The following FAM135B variants were observed in gnomAD, a reference collection of about 807,000 sequenced individuals.
FAM135B encodes family with sequence similarity 135 member B.
Under a neutral mutation model 127.7 loss-of-function variants are expected in FAM135B, and 43 were observed. That is an observed-to-expected ratio of 0.34 (90% confidence interval 0.26 to 0.43). The LOEUF is 0.43. FAM135B is among the 20% of genes least tolerant of loss of function. The pLI is 1.00. For missense variants in FAM135B, 1,558 were observed against 1,725.6 expected (o/e 0.90, Z 1.72); for synonymous variants, 670 against 665.1 (o/e 1.01, Z -0.11).
At chr8:138,219,873 G>A (rs1818886843) in intron 7 of FAM135B, among the ~76,000 whole-genome samples, 1 of 152,136 alleles carries the variant, frequency 6.6e-6, no homozygotes, top group African/African-American at 2.4e-5. Flanking sequence ...CTTGTGATAA[G>A]CAATTCATAT....
chr8:138,301,842 T>C (rs961717788), intron 3 of FAM135B, among the ~76,000 whole-genome samples: 1 of 152,250 alleles, frequency 6.6e-6, no homozygotes, highest in South Asian at 2.1e-4. Flanking sequence ...CATACCATGC[T>C]GAACCCCTGC....
At chr8:138,228,305 T>C (rs984878703) in intron 7 of FAM135B, among the ~76,000 whole-genome samples, 2 of 152,106 alleles carry the variant, frequency 1.3e-5, no homozygotes, top group Non-Finnish European at 2.9e-5. Context: ...TCGGAATCTT[T>C]AGGTGTAGGG....
chr8:138,492,259 T>C (rs766879107), intron 1 of FAM135B, among the ~76,000 whole-genome samples: 25 of 152,092 alleles, frequency 1.6e-4, no homozygotes, highest in Non-Finnish European at 2.9e-4. Context: ...GACCTATCAA[T>C]GGTCAAAGGT....
chr8:138,367,593 C>T (rs1830829821), intron 2 of FAM135B, among the ~76,000 whole-genome samples: 1 of 152,072 alleles, frequency 6.6e-6, no homozygotes, highest in Admixed American at 6.6e-5. Context: ...AGGCAAGCTT[C>T]ATTTTCCATC....
At chr8:138,318,737 C>G (rs1827251756) in intron 2 of FAM135B, among the ~76,000 whole-genome samples, 1 of 152,156 alleles carries the variant, frequency 6.6e-6, no homozygotes, top group African/African-American at 2.4e-5. Flanking sequence ...TTCTTAAAAG[C>G]CCTTGATGCT....
At chr8:138,370,497 G>A (rs142014722) in intron 1 of FAM135B, among the ~76,000 whole-genome samples, 2,094 of 152,124 alleles carry the variant, frequency 0.014, 48 homozygotes, top group African/African-American at 0.047. Context: ...TGTCACCCAG[G>A]CTGGAGTGCA....
chr8:138,225,475 A>G (rs1819351436), intron 7 of FAM135B, among the ~76,000 whole-genome samples: 2 of 116,640 alleles, frequency 1.7e-5, no homozygotes, highest in Admixed American at 8.5e-5. Context: ...ACAAAAAAAC[A>G]AAAAAAACAA....
intron 2 of FAM135B, among the ~76,000 whole-genome samples, chr8:138,324,098 C>T (rs183036923): frequency 1.3e-3 from 202 of 152,322 alleles, no homozygotes; most frequent in African/African-American, 4.5e-3. Flanking sequence ...TGCAAATCCC[C>T]GTGTCCCAGC....
intron 3 of FAM135B, among the ~76,000 whole-genome samples, chr8:138,266,607 G>GTA (rs34338351): frequency 6.8e-6 from 1 of 147,678 alleles, no homozygotes; most frequent in African/African-American, 2.5e-5. Flanking sequence ...ATATGTATAT[G>GTA]TATATATATG....
chr8:138,378,435 A>T (rs574171240), intron 1 of FAM135B, among the ~76,000 whole-genome samples: 1 of 152,362 alleles, frequency 6.6e-6, no homozygotes, highest in African/African-American at 2.4e-5. Context: ...GGAGTCTGGC[A>T]TATGATAAAT....
chr8:138,428,499 C>T (rs1404647168), intron 1 of FAM135B, among the ~76,000 whole-genome samples: 1 of 152,060 alleles, frequency 6.6e-6, no homozygotes, highest in Admixed American at 6.6e-5. Flanking sequence ...CTCATTGTCT[C>T]ATATCTTGTG....
chr8:138,211,607 T>C (rs1818148447), intron 7 of FAM135B, among the ~76,000 whole-genome samples: 1 of 152,208 alleles, frequency 6.6e-6, no homozygotes, highest in Non-Finnish European at 1.5e-5. Flanking sequence ...TGCAACATTC[T>C]AAAATTGAGA....
chr8:138,442,055 C>T (rs927900199), intron 1 of FAM135B, among the ~76,000 whole-genome samples: 1 of 151,276 alleles, frequency 6.6e-6, no homozygotes, highest in Non-Finnish European at 1.5e-5. Context: ...ATGCAGCAGG[C>T]AAACGATGTG....
intron 2 of FAM135B, among the ~76,000 whole-genome samples, chr8:138,335,211 T>A (rs947513475): frequency 1.3e-5 from 2 of 152,108 alleles, no homozygotes; most frequent in African/African-American, 4.8e-5. Context: ...TTCTTGGGAA[T>A]CCCATGCCCA....
intron 1 of FAM135B, chr8:138,441,027 CAT>C (rs1382760431): frequency 6.6e-6 from 1 of 152,250 alleles, no homozygotes; most frequent in Non-Finnish European, 1.5e-5. Flanking sequence ...GACCCCCACA[CAT>C]GTGAGTGAAG....
intron 7 of FAM135B, among the ~76,000 whole-genome samples, chr8:138,202,430 T>G (rs2131175049): frequency 6.6e-6 from 1 of 152,222 alleles, no homozygotes; most frequent in South Asian, 2.1e-4. Flanking sequence ...TTTAATTTTT[T>G]TGTAGAGATG....
chr8:138,340,280 G>C (rs1204454773), intron 2 of FAM135B, among the ~76,000 whole-genome samples: 1 of 152,008 alleles, frequency 6.6e-6, no homozygotes, highest in Non-Finnish European at 1.5e-5. Flanking sequence ...CAATACGAAC[G>C]ATACAAACAG....
intron 12 of FAM135B, among the ~76,000 whole-genome samples, chr8:138,154,688 G>C (rs1170188556): frequency 6.6e-6 from 1 of 152,050 alleles, no homozygotes; most frequent in Non-Finnish European, 1.5e-5. Flanking sequence ...GGAAGAAAGG[G>C]CATCAGTGAT....
chr8:138,331,470 A>T (rs1320631034), intron 2 of FAM135B, among the ~76,000 whole-genome samples: 1 of 152,176 alleles, frequency 6.6e-6, no homozygotes, highest in Non-Finnish European at 1.5e-5. Flanking sequence ...CAGATTATAG[A>T]TGAGGAAAGA....
Sources: allele counts gnomAD v4.1 joint callset (sites outside exome capture counted in the v4.1 genomes callset), GRCh38; gene constraint gnomAD v4.1.1; transcripts MANE v1.5; gene names NCBI Gene and HGNC (gene_info 2026-07-23, HGNC 2026-07-21).